Variants in EHBP1 observed in about 807,000 individuals in gnomAD.
EHBP1 encodes the protein EH domain binding protein 1.
Under a neutral mutation model 144.0 loss-of-function variants are expected in EHBP1, and 55 were observed. The ratio of observed to expected loss-of-function variants is 0.38; its 90% CI spans 0.31 to 0.48. EHBP1 has a LOEUF of 0.48. EHBP1 is among the 20% of genes least tolerant of loss of function. The pLI is 0.98. For synonymous variants in EHBP1, 469 were observed against 472.7 expected (o/e 0.99, Z 0.10); for missense variants, 1,200 against 1,364.2 (o/e 0.88, Z 1.90).
chr2:62,839,063 C>T (rs1307965477), intron 7 of EHBP1, among the ~76,000 whole-genome samples: 1 of 148,112 alleles, frequency 6.8e-6, no homozygotes, highest in African/African-American at 2.5e-5. Flanking sequence ...GACCAATATC[C>T]TTGATGAACA....
At chr2:62,915,114 T>G (rs1333494420) in intron 10 of EHBP1, among the ~76,000 whole-genome samples, 1 of 152,080 alleles carries the variant, frequency 6.6e-6, no homozygotes, top group African/African-American at 2.4e-5. Flanking sequence ...TTTTATATGG[T>G]CTATGTATAC....
intron 2 of EHBP1, among the ~76,000 whole-genome samples, chr2:62,742,732 CAAAG>C (rs2038832597): frequency 6.6e-6 from 1 of 152,018 alleles, no homozygotes; most frequent in Non-Finnish European, 1.5e-5. Flanking sequence ...TAACTTAAGA[CAAAG>C]AACACTACTC....
At chr2:63,002,663 GT>G (rs901409178) in intron 19 of EHBP1, among the ~76,000 whole-genome samples, 6 of 151,964 alleles carry the variant, frequency 3.9e-5, no homozygotes, top group African/African-American at 1.4e-4. Flanking sequence ...GAAAAGGGAT[GT>G]GCAGAAGATA....
At chr2:62,857,863 A>T (rs1402517035) in intron 7 of EHBP1, among the ~76,000 whole-genome samples, 10 of 147,768 alleles carry the variant, frequency 6.8e-5, no homozygotes, top group Non-Finnish European at 1.2e-4. Context: ...AGATCCTATT[A>T]AAAAAAAAAC....
chr2:62,851,998 T>C (rs1405446479), intron 7 of EHBP1, among the ~76,000 whole-genome samples: 1 of 152,216 alleles, frequency 6.6e-6, no homozygotes, highest in African/African-American at 2.4e-5. Flanking sequence ...AATTCAGTCA[T>C]GTAATAGAGT....
intron 3 of EHBP1, among the ~76,000 whole-genome samples, chr2:62,749,700 T>C (rs1230627256): frequency 6.6e-6 from 1 of 152,206 alleles, no homozygotes; most frequent in Non-Finnish European, 1.5e-5. Context: ...TGGTATCTCA[T>C]TGTGGTTTTG....
intron 10 of EHBP1, among the ~76,000 whole-genome samples, chr2:62,901,671 A>G (rs1408417535): frequency 1.3e-5 from 2 of 152,082 alleles, no homozygotes; most frequent in Non-Finnish European, 2.9e-5. Flanking sequence ...TAAAAAAAAA[A>G]AAGAAAAAGA....
intron 19 of EHBP1, among the ~76,000 whole-genome samples, chr2:63,027,894 A>G (rs954344965): frequency 6.6e-6 from 1 of 152,110 alleles, no homozygotes. Context: ...CACCAAATCT[A>G]TTGTACAACG....
At chr2:62,769,208 G>A (rs1036218159) in intron 4 of EHBP1, among the ~76,000 whole-genome samples, 9 of 152,154 alleles carry the variant, frequency 5.9e-5, no homozygotes, top group Admixed American at 1.3e-4. Context: ...AGGAAGAGAG[G>A]AAGTCAGTTT....
chr2:62,905,717 G>A (rs570237422), intron 10 of EHBP1, among the ~76,000 whole-genome samples: 7 of 152,010 alleles, frequency 4.6e-5, no homozygotes, highest in African/African-American at 1.7e-4. Context: ...CCAGCTACTT[G>A]GGAGGCTGAG....
intron 14 of EHBP1, among the ~76,000 whole-genome samples, chr2:62,975,612 T>TAG (rs2058674503): frequency 6.6e-6 from 1 of 152,060 alleles, no homozygotes; most frequent in African/African-American, 2.4e-5. Flanking sequence ...TTTTATAAAG[T>TAG]AGAGCTAGGC....
intron 19 of EHBP1, among the ~76,000 whole-genome samples, chr2:63,009,444 G>T (rs948966361): frequency 6.6e-6 from 1 of 151,602 alleles, no homozygotes; most frequent in South Asian, 2.1e-4. Flanking sequence ...AAGGAATGGG[G>T]TATGGGTGGG....
intron 14 of EHBP1, among the ~76,000 whole-genome samples, chr2:62,956,575 C>T (rs2057707579): frequency 6.6e-6 from 1 of 151,616 alleles, no homozygotes; most frequent in Non-Finnish European, 1.5e-5. Context: ...CAGGGCTAGG[C>T]ATGGTGACTT....
chr2:62,857,299 T>G (rs1326474692), intron 7 of EHBP1, among the ~76,000 whole-genome samples: 2 of 152,238 alleles, frequency 1.3e-5, no homozygotes, highest in African/African-American at 4.8e-5. Flanking sequence ...TCCATGTTAA[T>G]TTGTGTCTCT....
intron 15 of EHBP1, among the ~76,000 whole-genome samples, chr2:62,979,897 A>G (rs1198692340): frequency 6.6e-6 from 1 of 152,162 alleles, no homozygotes; most frequent in Non-Finnish European, 1.5e-5. Context: ...TATATATAAA[A>G]TTAAAGAAAA....
intron 7 of EHBP1, among the ~76,000 whole-genome samples, chr2:62,834,576 A>G (rs942266909): frequency 2.0e-5 from 3 of 152,232 alleles, no homozygotes; most frequent in African/African-American, 7.2e-5. Context: ...TTAATAGACT[A>G]TAGTATAAAC....
At chr2:62,970,050 GCA>G (rs1326134568) in intron 14 of EHBP1, among the ~76,000 whole-genome samples, 1 of 150,188 alleles carries the variant, frequency 6.7e-6, no homozygotes, top group Non-Finnish European at 1.5e-5. Context: ...AAGTGAGTGG[GCA>G]CACTTTGGTA....
intron 1 of EHBP1, among the ~76,000 whole-genome samples, chr2:62,681,799 G>A (rs538180178): frequency 1.3e-5 from 2 of 152,282 alleles, no homozygotes; most frequent in African/African-American, 2.4e-5. Context: ...TTGGGCCAGG[G>A]TAAGGAAGGA....
At chr2:62,896,641 A>G (rs2052960865) in intron 10 of EHBP1, among the ~76,000 whole-genome samples, 1 of 151,082 alleles carries the variant, frequency 6.6e-6, no homozygotes, top group Non-Finnish European at 1.5e-5. Context: ...TCTGTACCTG[A>G]CCACTTCAGT....
Sources: allele counts gnomAD v4.1 joint callset (sites outside exome capture counted in the v4.1 genomes callset), GRCh38; gene constraint gnomAD v4.1.1; transcripts MANE v1.5; gene names NCBI Gene and HGNC (gene_info 2026-07-23, HGNC 2026-07-21).